The following NSMCE2 variants were observed in gnomAD, a reference collection of about 807,000 sequenced individuals.
NSMCE2 encodes the protein E3 SUMO-protein ligase NSE2.
NSMCE2 carries 24 observed loss-of-function variants against 23.8 expected under a neutral mutation model. The observed-to-expected ratio is 1.01, with a 90% CI of 0.73 to 1.42. The LOEUF is 1.42. NSMCE2 is among the 40% of genes most tolerant of loss of function. The pLI is 0.00. For missense variants in NSMCE2, 284 were observed against 296.5 expected, an observed-to-expected ratio of 0.96 and a Z score of 0.31; for synonymous variants, 92 against 94.1, an observed-to-expected ratio of 0.98 and a Z score of 0.13.
At chr8:125,286,950 A>G (rs572088605) in intron 5 of NSMCE2, among the ~76,000 whole-genome samples, 7 of 152,264 alleles carry the variant, frequency 4.6e-5, no homozygotes, top group South Asian at 4.2e-4. Context: ...GTAGACGCCA[A>G]TTGGGAGGTG....
intron 5 of NSMCE2, among the ~76,000 whole-genome samples, chr8:125,236,927 T>C (rs1031395631): frequency 6.6e-6 from 1 of 152,102 alleles, no homozygotes; most frequent in Non-Finnish European, 1.5e-5. Context: ...AGAGGGTCTA[T>C]AAATACTAGT....
At chr8:125,313,599 T>C (rs1488443785) in intron 5 of NSMCE2, among the ~76,000 whole-genome samples, 1 of 152,150 alleles carries the variant, frequency 6.6e-6, no homozygotes, top group Non-Finnish European at 1.5e-5. Flanking sequence ...ACCTTCCACA[T>C]AAAGGAGACT....
chr8:125,194,003 A>G (rs1823481983), intron 5 of NSMCE2, among the ~76,000 whole-genome samples: 1 of 152,130 alleles, frequency 6.6e-6, no homozygotes, highest in Non-Finnish European at 1.5e-5. Context: ...GCCTCTTTGT[A>G]TATGTTGAAA....
intron 5 of NSMCE2, among the ~76,000 whole-genome samples, chr8:125,302,408 C>G (rs1828601426): frequency 6.6e-6 from 1 of 152,080 alleles, no homozygotes. Flanking sequence ...AAGGAGGTTC[C>G]CATGGAATGA....
At chr8:125,318,703 C>T (rs1003354779) in intron 5 of NSMCE2, among the ~76,000 whole-genome samples, 1 of 152,132 alleles carries the variant, frequency 6.6e-6, no homozygotes, top group African/African-American at 2.4e-5. Context: ...TGTGAAACAA[C>T]CACGGCACTC....
At chr8:125,349,918 T>C (rs766134590) in intron 5 of NSMCE2, among the ~76,000 whole-genome samples, 7 of 152,254 alleles carry the variant, frequency 4.6e-5, no homozygotes, top group Non-Finnish European at 8.8e-5. Context: ...GTCATTTGGC[T>C]AAAACCTATA....
At chr8:125,309,248 C>CAAAA (rs111355815) in intron 5 of NSMCE2, among the ~76,000 whole-genome samples, 11 of 65,476 alleles carry the variant, frequency 1.7e-4, no homozygotes, top group African/African-American at 2.1e-4. Context: ...AACTCTGTCT[C>CAAAA]AAAAAAAAAA....
chr8:125,112,297 C>T (rs929171566), intron 3 of NSMCE2, among the ~76,000 whole-genome samples: 10 of 152,110 alleles, frequency 6.6e-5, no homozygotes, highest in Non-Finnish European at 1.0e-4. Flanking sequence ...ATTGTTGGTG[C>T]GAATGTAAAT....
At chr8:125,353,099 C>G (rs1381388446) in intron 5 of NSMCE2, among the ~76,000 whole-genome samples, 2 of 152,190 alleles carry the variant, frequency 1.3e-5, no homozygotes, top group East Asian at 3.9e-4. Flanking sequence ...TTTCTTACTT[C>G]CTCTACCTTT....
intron 1 of NSMCE2, among the ~76,000 whole-genome samples, chr8:125,099,881 G>C (rs1818102732): frequency 6.6e-6 from 1 of 152,066 alleles, no homozygotes; most frequent in African/African-American, 2.4e-5. Flanking sequence ...TTTTTGAGAT[G>C]GGAGAAGTAA....
At chr8:125,210,163 C>T (rs753258087) in intron 5 of NSMCE2, among the ~76,000 whole-genome samples, 2 of 152,162 alleles carry the variant, frequency 1.3e-5, no homozygotes, top group South Asian at 2.1e-4. Context: ...GTTAAAATGA[C>T]ATAATAATAG....
Position 125,237,117 on chromosome 8 carries a change from G to A in NSMCE2, c.418+54861G>A, listed in dbSNP as rs564826333. Among the ~76,000 whole-genome samples, 12 of 152,274 alleles carry A rather than the reference G, an allele frequency of 7.9e-5. No homozygotes were observed. The South Asian group carries it at 2.3e-3, about 29-fold the overall frequency. ...ATTTGAATTTAAACAACACTTTGTGGAACTGTAGGCAAATGTGGAGTCCAC... is the reference window on the plus strand; with the variant it reads ...ATTTGAATTTAAACAACACTTTGTGAAACTGTAGGCAAATGTGGAGTCCAC... On this transcript the variant is annotated intron_variant, in intron 5 of 7. Transcript: ENST00000287437.
At chr8:125,225,761 C>T (rs1825065078) in intron 5 of NSMCE2, among the ~76,000 whole-genome samples, 2 of 152,232 alleles carry the variant, frequency 1.3e-5, no homozygotes, top group South Asian at 4.1e-4. Context: ...GCAAAGCTAT[C>T]TGCAAGGACA....
intron 4 of NSMCE2, among the ~76,000 whole-genome samples, chr8:125,165,724 G>A (rs1223959367): frequency 6.6e-6 from 1 of 152,062 alleles, no homozygotes; most frequent in Non-Finnish European, 1.5e-5. Flanking sequence ...TTTTTATTTT[G>A]TTTATTGTTC....
At position 125,317,809 on chromosome 8, in the gene NSMCE2, A is replaced by T. The variant is rs930968281; in HGVS notation, c.419-39410A>T. ...TGCAAAATCTAGAAACCATGCAGAAAAAGATTGATAATTTGAACTACATCA... is the reference window on the plus strand; with the variant it reads ...TGCAAAATCTAGAAACCATGCAGAATAAGATTGATAATTTGAACTACATCA... On this transcript the variant is annotated intron_variant, in intron 5 of 7. Coordinates refer to ENST00000287437, the MANE Select transcript of NSMCE2 (RefSeq NM_173685.4). Among the ~76,000 whole-genome samples, 5 of 152,372 alleles carry T rather than the reference A, an allele frequency of 3.3e-5. No individual in the cohort carries two copies. The South Asian group carries it at 8.3e-4, about 25-fold the overall frequency.
At chr8:125,291,173 T>G (rs1828091174) in intron 5 of NSMCE2, among the ~76,000 whole-genome samples, 1 of 152,180 alleles carries the variant, frequency 6.6e-6, no homozygotes. Context: ...CAGAGGTAGG[T>G]GATGGTGTTA....
At chr8:125,318,578 A>G (rs1563781457) in intron 5 of NSMCE2, among the ~76,000 whole-genome samples, 1 of 152,240 alleles carries the variant, frequency 6.6e-6, no homozygotes, top group African/African-American at 2.4e-5. Flanking sequence ...GGCAACATCT[A>G]TTGTATCAGC....
At chr8:125,278,242 G>C (rs899417847) in intron 5 of NSMCE2, among the ~76,000 whole-genome samples, 1 of 152,156 alleles carries the variant, frequency 6.6e-6, no homozygotes, top group African/African-American at 2.4e-5. Context: ...TCCCAGCTTA[G>C]GTGGAATGAG....
At chr8:125,269,742 T>C (rs1827097343) in intron 5 of NSMCE2, among the ~76,000 whole-genome samples, 1 of 152,214 alleles carries the variant, frequency 6.6e-6, no homozygotes, top group Non-Finnish European at 1.5e-5. Context: ...AGAGGATAAC[T>C]TACTTCACAT....
Sources: allele counts gnomAD v4.1 joint callset (sites outside exome capture counted in the v4.1 genomes callset), GRCh38; gene constraint gnomAD v4.1.1; transcripts MANE v1.5; gene names NCBI Gene and HGNC (gene_info 2026-07-23, HGNC 2026-07-21).